Variants in SPMIP3 observed in about 807,000 individuals in gnomAD.
SPMIP3 encodes the protein sperm microtubule inner protein 3, also known as protein SPMIP3.
chr1:244,380,141 T>C, the SPMIP3 span, among the ~76,000 whole-genome samples: 1 of 139,400 alleles, frequency 7.2e-6, no homozygotes, highest in Non-Finnish European at 1.6e-5. Flanking sequence ...TTTTTTTTTT[T>C]TTTTTGAGAT....
At chr1:244,360,033 C>T in the SPMIP3 span, among the ~76,000 whole-genome samples, 6 of 151,950 alleles carry the variant, frequency 3.9e-5, no homozygotes, top group Non-Finnish European at 5.9e-5. Context: ...CACTGGAACC[C>T]GGGAGGCGGA....
At chr1:244,378,453 C>A in the SPMIP3 span, 1 of 1,594,450 alleles carries the variant, frequency 6.3e-7, no homozygotes, top group African/African-American at 1.4e-5. Context: ...CAAACTACTT[C>A]TATTTCCATT....
the SPMIP3 span, among the ~76,000 whole-genome samples, chr1:244,385,307 T>C: frequency 6.6e-6 from 1 of 152,234 alleles, no homozygotes; most frequent in Admixed American, 6.5e-5. Context: ...TGATAGATCA[T>C]GGTTATTGCT....
At chr1:244,354,354 A>ATTTT in the SPMIP3 span, among the ~76,000 whole-genome samples, 2 of 107,192 alleles carry the variant, frequency 1.9e-5, no homozygotes, top group Non-Finnish European at 3.8e-5. Context: ...CCAAACTTTG[A>ATTTT]TTTTTTTTTT....
the SPMIP3 span, among the ~76,000 whole-genome samples, chr1:244,381,967 A>G: frequency 6.6e-6 from 1 of 152,194 alleles, no homozygotes; most frequent in African/African-American, 2.4e-5. Context: ...CTTCTGATGT[A>G]TCCTGTTAGT....
At chr1:244,361,410 G>C in the SPMIP3 span, among the ~76,000 whole-genome samples, 1 of 151,820 alleles carries the variant, frequency 6.6e-6, no homozygotes, top group Non-Finnish European at 1.5e-5. Flanking sequence ...TGTATTTTTA[G>C]TAAAGACGGG....
At chr1:244,376,170 C>T in the SPMIP3 span, among the ~76,000 whole-genome samples, 9 of 152,184 alleles carry the variant, frequency 5.9e-5, no homozygotes, top group Non-Finnish European at 1.5e-5. Context: ...TCCAGCATCT[C>T]TCCCCATTCA....
At chr1:244,365,737 G>T in the SPMIP3 span, among the ~76,000 whole-genome samples, 31 of 152,196 alleles carry the variant, frequency 2.0e-4, no homozygotes, top group Middle Eastern at 6.8e-3. Flanking sequence ...AAGCAAACAG[G>T]CAACTCCAAA....
At chr1:244,380,395 C>T in the SPMIP3 span, among the ~76,000 whole-genome samples, 1 of 152,150 alleles carries the variant, frequency 6.6e-6, no homozygotes, top group Non-Finnish European at 1.5e-5. Context: ...GGTGGGATTA[C>T]AGGCGTGAGC....
At chr1:244,369,427 C>T in the SPMIP3 span, among the ~76,000 whole-genome samples, 4 of 152,208 alleles carry the variant, frequency 2.6e-5, no homozygotes, top group African/African-American at 4.8e-5. Flanking sequence ...GCCCATCCTG[C>T]GTGGGATGAT....
chr1:244,356,289 G>C, the SPMIP3 span, among the ~76,000 whole-genome samples: 1 of 152,160 alleles, frequency 6.6e-6, no homozygotes, highest in Non-Finnish European at 1.5e-5. Flanking sequence ...CTATCAGATT[G>C]AGAAGGTTCC....
At chr1:244,363,687 T>C in the SPMIP3 span, among the ~76,000 whole-genome samples, 27 of 152,192 alleles carry the variant, frequency 1.8e-4, no homozygotes, top group Admixed American at 5.2e-4. Flanking sequence ...CCAACGCCAC[T>C]GTCTCTGCCA....
the SPMIP3 span, chr1:244,378,707 T>G: frequency 6.7e-6 from 10 of 1,496,046 alleles, no homozygotes; most frequent in Non-Finnish European, 9.1e-6. Flanking sequence ...TAGCATCTCC[T>G]GTAGGCTTGC....
the SPMIP3 span, among the ~76,000 whole-genome samples, chr1:244,384,225 C>T: frequency 6.6e-6 from 1 of 152,114 alleles, no homozygotes; most frequent in Non-Finnish European, 1.5e-5. Context: ...TTTTTTGAGA[C>T]AGGGTCTCAC....
the SPMIP3 span, among the ~76,000 whole-genome samples, chr1:244,376,121 A>G: frequency 2.0e-5 from 3 of 152,150 alleles, no homozygotes; most frequent in African/African-American, 7.2e-5. Flanking sequence ...ATTCTCAATG[A>G]TTCTTCAGGC....
At chr1:244,355,737 G>T in the SPMIP3 span, among the ~76,000 whole-genome samples, 1 of 152,158 alleles carries the variant, frequency 6.6e-6, no homozygotes, top group Non-Finnish European at 1.5e-5. Flanking sequence ...GTCCTGCTGG[G>T]ATTTTGTTAA....
chr1:244,360,376 G>T, the SPMIP3 span, among the ~76,000 whole-genome samples: 2 of 152,060 alleles, frequency 1.3e-5, no homozygotes, highest in Non-Finnish European at 2.9e-5. Flanking sequence ...GGTATATATC[G>T]AAGAGAAAGG....
chr1:244,353,390 A>G, the SPMIP3 span, among the ~76,000 whole-genome samples: 1 of 152,168 alleles, frequency 6.6e-6, no homozygotes, highest in African/African-American at 2.4e-5. Flanking sequence ...GTTTAAGAAA[A>G]CAAACAACAA....
chr1:244,359,944 C>T, the SPMIP3 span, among the ~76,000 whole-genome samples: 2 of 151,112 alleles, frequency 1.3e-5, no homozygotes, highest in East Asian at 4.2e-4. Flanking sequence ...CCTGTCTCTA[C>T]TAAAAATACA....
Sources: gnomAD v4.1 joint callset for allele counts (sites outside exome capture counted in the v4.1 genomes callset) on GRCh38, gnomAD v4.1.1 for gene constraint, MANE v1.5 for transcripts, NCBI Gene and HGNC (gene_info 2026-07-23, HGNC 2026-07-21) for gene names.